Variants in CUL3 observed in about 807,000 individuals in gnomAD.
CUL3 encodes cullin 3.
CUL3 carries 19 observed loss-of-function variants against 89.1 expected under a neutral mutation model. That is an observed-to-expected ratio of 0.21 (90% CI 0.15 to 0.31). The LOEUF is 0.31. Among genes scored for constraint, CUL3 ranks in the 10% least tolerant of loss-of-function variants. The pLI is 1.00. For missense variants in CUL3, 469 were observed against 942.3 expected (o/e 0.50, Z 6.58); for synonymous variants, 351 against 308.4 (o/e 1.14, Z -1.45).
chr2:224,540,017 C>A (rs1323615483), intron 2 of CUL3, among the ~76,000 whole-genome samples: 1 of 148,398 alleles, frequency 6.7e-6, no homozygotes, highest in Non-Finnish European at 1.5e-5. Context: ...TATGTTGGGG[C>A]AGGGGTGTAT....
chr2:224,573,448 A>G (rs1695231264), intron 1 of CUL3, among the ~76,000 whole-genome samples: 1 of 152,220 alleles, frequency 6.6e-6, no homozygotes, highest in Non-Finnish European at 1.5e-5. Context: ...TATATATTCA[A>G]ATGTTACTGA....
Position 224,473,069 on chromosome 2 carries a change from T to A in CUL3, c.*1176A>T, listed in dbSNP as rs1691186931. On this transcript the variant is annotated 3_prime_UTR_variant, in exon 16 of 16. Coordinates refer to ENST00000264414, the MANE Select transcript of CUL3 (RefSeq NM_003590.5). ...AGAATCTTCAGCACAAAGCACATGT[T>A]TGAAAACGTGAAACGATGACTCTTT... 5.0e-6 allele frequency: 1 copy of A among 200,794 alleles called. No homozygotes were observed. The highest frequency in any genetic ancestry group is 6.0e-5 in the Admixed American group (1 of 16,660). The allele number at this position is 200,794 out of a possible 1,614,324, so 12.4% of individuals were successfully genotyped here.
intron 1 of CUL3, among the ~76,000 whole-genome samples, chr2:224,561,820 A>G (rs2106311873): frequency 6.6e-6 from 1 of 152,358 alleles, no homozygotes; most frequent in South Asian, 2.1e-4. Context: ...CGTACGTGCA[A>G]TGTGGTTTTA....
At chr2:224,528,559 A>G (rs1374447693) in intron 3 of CUL3, among the ~76,000 whole-genome samples, 1 of 144,728 alleles carries the variant, frequency 6.9e-6, no homozygotes, top group Non-Finnish European at 1.5e-5. Flanking sequence ...AGCCTACCAC[A>G]CTCCTTAAGG....
intron 15 of CUL3, among the ~76,000 whole-genome samples, chr2:224,475,916 G>GT (rs1037432764): frequency 1.3e-5 from 2 of 152,078 alleles, no homozygotes; most frequent in African/African-American, 4.8e-5. Flanking sequence ...TGTTAACACC[G>GT]TATGTGTACA....
At chr2:224,533,854 C>T (rs1443499311) in intron 3 of CUL3, among the ~76,000 whole-genome samples, 1 of 152,116 alleles carries the variant, frequency 6.6e-6, no homozygotes, top group Non-Finnish European at 1.5e-5. Context: ...CTCTCCCTGA[C>T]CCCCTTGCCA....
intron 1 of CUL3, among the ~76,000 whole-genome samples, chr2:224,578,103 G>A (rs892757967): frequency 3.9e-5 from 6 of 152,128 alleles, no homozygotes; most frequent in Non-Finnish European, 4.4e-5. Flanking sequence ...TACCCTTATG[G>A]AGGTCAATTA....
At chr2:224,526,500 C>T (rs11685253) in intron 3 of CUL3, among the ~76,000 whole-genome samples, 43,927 of 148,138 alleles carry the variant, frequency 0.3, 6,632 homozygotes, top group Middle Eastern at 0.41. Context: ...GCAGAAGAAT[C>T]GCTTGAACCC....
At chr2:224,547,371 C>T (rs950296194) in intron 2 of CUL3, among the ~76,000 whole-genome samples, 4 of 152,138 alleles carry the variant, frequency 2.6e-5, no homozygotes, top group Non-Finnish European at 5.9e-5. Flanking sequence ...TACGCTCATA[C>T]CTACCTGCCA....
intron 2 of CUL3, among the ~76,000 whole-genome samples, chr2:224,549,862 G>GCA (rs138838580): frequency 1.3e-4 from 19 of 150,582 alleles, no homozygotes; most frequent in East Asian, 7.8e-4. Flanking sequence ...ATATATGCGT[G>GCA]CACACACACA....
intron 1 of CUL3, among the ~76,000 whole-genome samples, chr2:224,558,828 G>C (rs1305113342): frequency 2.0e-5 from 3 of 147,246 alleles, no homozygotes; most frequent in East Asian, 4.1e-4. Context: ...GGATCATGAG[G>C]TCAGGAGATC....
chr2:224,581,395 CAAA>C (rs558137750), intron 1 of CUL3, among the ~76,000 whole-genome samples: 1 of 81,840 alleles, frequency 1.2e-5, no homozygotes. Flanking sequence ...GTTTCCATCT[CAAA>C]AAAAAAAAAA....
At chr2:224,584,871 CAGCCCGGG>C in intron 1 of CUL3, 65 bp downstream of exon 1, 5 of 1,229,094 alleles carry the variant, frequency 4.1e-6, no homozygotes, top group Non-Finnish European at 5.5e-6. Context: ...TGGGGGACTT[CAGCCCGGG>C]CCTCGCGTGC....
At chr2:224,500,515 C>T (rs2106189440) in intron 10 of CUL3, 28 bp from the exon 11 acceptor site, 1 of 1,608,028 alleles carries the variant, frequency 6.2e-7, no homozygotes, top group Non-Finnish European at 8.5e-7. Flanking sequence ...AGATATTCCC[C>T]TCAAAATTAA....
chr2:224,478,958 A>G (rs543932845), intron 14 of CUL3: 16 of 152,378 alleles, frequency 1.1e-4, no homozygotes, highest in African/African-American at 3.6e-4. Context: ...TTATGTCACA[A>G]CCTCATCACA....
chr2:224,516,934 C>T (rs376942072), intron 3 of CUL3, among the ~76,000 whole-genome samples: 36 of 152,228 alleles, frequency 2.4e-4, no homozygotes, highest in African/African-American at 7.0e-4. Flanking sequence ...TGTGAGCCAC[C>T]GCCTGTAAAC....
chr2:224,557,598 T>G, intron 2 of CUL3, 61 bp downstream of exon 2: 1 of 1,173,016 alleles, frequency 8.5e-7, no homozygotes, highest in Non-Finnish European at 1.2e-6. Flanking sequence ...AAGTGCAATA[T>G]GGTATAAAGG....
chr2:224,502,319 A>G (rs972869784), intron 10 of CUL3, among the ~76,000 whole-genome samples: 1 of 152,132 alleles, frequency 6.6e-6, no homozygotes, highest in Non-Finnish European at 1.5e-5. Flanking sequence ...CTCTAAACTT[A>G]AGGTTAAGTT....
chr2:224,484,074 G>C (rs1388691188), intron 13 of CUL3, among the ~76,000 whole-genome samples: 2 of 152,092 alleles, frequency 1.3e-5, no homozygotes, highest in African/African-American at 4.8e-5. Flanking sequence ...ATGAGGCTAA[G>C]GTGGGAGGAT....
Sources: allele counts gnomAD v4.1 joint callset (sites outside exome capture counted in the v4.1 genomes callset), GRCh38; gene constraint gnomAD v4.1.1; transcripts MANE v1.5; gene names NCBI Gene and HGNC (gene_info 2026-07-23, HGNC 2026-07-21).